The following C6 variants were observed in gnomAD, a reference collection of about 807,000 sequenced individuals.
C6 encodes the protein complement C6.
A neutral mutation model predicts 112.9 loss-of-function variants in C6; 101 were observed. The observed-to-expected ratio is 0.89, with a 90% CI of 0.76 to 1.06. The LOEUF (loss-of-function observed/expected upper bound fraction) is 1.06, where lower values mean the gene tolerates loss of function less well. Among genes scored for constraint, C6 ranks in the 50% least tolerant of loss-of-function variants. The pLI, the probability that C6 is intolerant of heterozygous loss-of-function variation, is 0.00. For synonymous variants in C6, 431 were observed against 384.1 expected, an observed-to-expected ratio of 1.12 and a Z score of -1.43; for missense variants, 1,202 against 1,104.6, an observed-to-expected ratio of 1.09 and a Z score of -1.25.
chr5:41,161,399 A>T (rs1747489078), intron 10 of C6, among the ~76,000 whole-genome samples: 1 of 152,154 alleles, frequency 6.6e-6, no homozygotes, highest in Admixed American at 6.6e-5. Context: ...ACATGAAAAA[A>T]TAAAAAGTAC....
intron 1 of C6, among the ~76,000 whole-genome samples, chr5:41,253,302 G>A (rs1325689988): frequency 6.6e-6 from 1 of 152,138 alleles, no homozygotes; most frequent in Non-Finnish European, 1.5e-5. Context: ...CTGGGCCTCA[G>A]GTGGTTTCCT....
intron 14 of C6, 85 bp from the exon 15 acceptor site, chr5:41,154,083 A>T: frequency 8.7e-7 from 1 of 1,144,802 alleles, no homozygotes; most frequent in Admixed American, 1.8e-5. Flanking sequence ...CAAAGAGGTG[A>T]TTTTGATGAG....
Position 41,240,930 on chromosome 5 carries a change from C to T in C6, c.-21+20264G>A, listed in dbSNP as rs182405944. On this transcript the variant is annotated intron_variant, in intron 1 of 17. Transcript: ENST00000263413. ...GTCTCCAAATTGCGTGCTCGGATGA[C>T]CGGCATTATTGGGCTGTTATTAGAG... 1.5e-4 allele frequency among the ~76,000 whole-genome samples: 23 copies of T among 152,246 alleles called. No individual in the cohort carries two copies. The East Asian group carries it at 4.3e-3, about 28-fold the overall frequency.
At chr5:41,240,149 T>A (rs937455425) in intron 1 of C6, among the ~76,000 whole-genome samples, 1 of 152,178 alleles carries the variant, frequency 6.6e-6, no homozygotes, top group Non-Finnish European at 1.5e-5. Context: ...TTTTAGCTAT[T>A]ATTTTGTTAA....
intron 1 of C6, among the ~76,000 whole-genome samples, chr5:41,232,737 G>T (rs938139438): frequency 6.6e-6 from 1 of 151,916 alleles, no homozygotes; most frequent in Non-Finnish European, 1.5e-5. Flanking sequence ...TCTGTTTTCA[G>T]TCTCAATTAA....
chr5:41,250,061 A>G (rs780318932), intron 1 of C6, among the ~76,000 whole-genome samples: 13 of 152,316 alleles, frequency 8.5e-5, no homozygotes, highest in Admixed American at 5.2e-4. Flanking sequence ...ATTCCTTCCC[A>G]CCTTGTGGTC....
chr5:41,253,405 C>G (rs1419125175), intron 1 of C6, among the ~76,000 whole-genome samples: 1 of 151,928 alleles, frequency 6.6e-6, no homozygotes, highest in Non-Finnish European at 1.5e-5. Flanking sequence ...GTAGCTCTCT[C>G]CTTTTTGTTA....
chr5:41,186,217 A>G lies in C6; in HGVS notation c.588-9T>C. 6.2e-7 allele frequency: 1 copy of G among 1,613,612 alleles called. No individual in the cohort carries two copies. The highest frequency in any genetic ancestry group is 8.5e-7 in the Non-Finnish European group (1 of 1,179,714). Reference sequence around the variant, plus strand: ...CTGCCAGAAAATGAAACCTAGAAACAAAGTAATTTTCAGGAATTCAACAGA... The same window carrying G: ...CTGCCAGAAAATGAAACCTAGAAACGAAGTAATTTTCAGGAATTCAACAGA... On this transcript the variant is annotated splice_polypyrimidine_tract_variant and intron_variant, in intron 5 of 17. Coordinates refer to ENST00000337836, the MANE Select transcript of C6 (RefSeq NM_000065.5).
chr5:41,229,053 T>G (rs1335195391), intron 1 of C6, among the ~76,000 whole-genome samples: 3 of 152,278 alleles, frequency 2.0e-5, no homozygotes, highest in African/African-American at 7.2e-5. Flanking sequence ...AGACGGAGGT[T>G]GCAGTGAGCC....
At chr5:41,218,245 C>T (rs868142851), upstream of C6, among the ~76,000 whole-genome samples, 3 of 152,110 alleles carry the variant, frequency 2.0e-5, no homozygotes, top group Non-Finnish European at 2.9e-5. Flanking sequence ...CGTAACTTCC[C>T]TTGTTTATGC....
In C6 at chr5:41,213,500, A is replaced by G. The variant is rs1009686111; in HGVS notation, c.-145T>C. 2.0e-6 allele frequency: 2 copies of G among 985,166 alleles called. No homozygotes were observed. The highest frequency in any genetic ancestry group is 3.5e-5 in the African/African-American group (2 of 57,252). The allele number at this position is 985,166 out of a possible 1,614,324, so 61.0% of individuals were successfully genotyped here. A position where few individuals can be genotyped will look rare whatever the true frequency, so the allele number is the denominator to read the frequency against. On this transcript the variant is annotated 5_prime_UTR_variant, in exon 1 of 18. Transcript: ENST00000337836. ...AAGCTTCTTTTCTTATTGCTAGCTAACACAAGGCAATGCTGTCATATCCCA... is the reference window on the plus strand; with the variant it reads ...AAGCTTCTTTTCTTATTGCTAGCTAGCACAAGGCAATGCTGTCATATCCCA...
At chr5:41,246,505 G>C (rs1199224420) in intron 1 of C6, among the ~76,000 whole-genome samples, 3 of 152,086 alleles carry the variant, frequency 2.0e-5, no homozygotes, top group Non-Finnish European at 4.4e-5. Context: ...ATCTTCAGGT[G>C]CAAAAAAAAT....
chr5:41,201,750 G>A (rs924891721), intron 2 of C6, 36 bp from the exon 3 acceptor site: 43 of 1,545,000 alleles, frequency 2.8e-5, no homozygotes, highest in Non-Finnish European at 3.7e-5. Context: ...TAGAATGAGT[G>A]TATTCACCAT....
intron 8 of C6, 183 bp from the exon 9 acceptor site, chr5:41,172,530 C>A: frequency 1.5e-6 from 1 of 648,822 alleles, no homozygotes; most frequent in Non-Finnish European, 2.8e-6. Flanking sequence ...CCTGCATGGG[C>A]CCAGAGATGA....
At chr5:41,219,755 G>T (rs933599401) in intron 1 of C6, among the ~76,000 whole-genome samples, 4 of 152,180 alleles carry the variant, frequency 2.6e-5, no homozygotes, top group African/African-American at 9.7e-5. Context: ...GGAGAAAAAG[G>T]CAGTGAGAGA....
chr5:41,236,915 A>T (rs1256635520), intron 1 of C6, among the ~76,000 whole-genome samples: 3 of 149,480 alleles, frequency 2.0e-5, no homozygotes, highest in Admixed American at 6.7e-5. Flanking sequence ...ATCCCACAGA[A>T]ATACAAACTA....
chr5:41,214,786 G>A (rs1291935638), upstream of C6, among the ~76,000 whole-genome samples: 1 of 152,160 alleles, frequency 6.6e-6, no homozygotes, highest in Non-Finnish European at 1.5e-5. Context: ...GCAAATACTG[G>A]AAGTCATAAT....
intron 1 of C6, among the ~76,000 whole-genome samples, chr5:41,246,402 A>G (rs1405259121): frequency 6.6e-6 from 1 of 152,132 alleles, no homozygotes; most frequent in African/African-American, 2.4e-5. Flanking sequence ...ATGTTTTTGA[A>G]ATTGCATCCA....
Position 41,172,889 on chromosome 5 carries a change from A to G in C6, c.1169-542T>C, listed in dbSNP as rs115039483. Among the ~76,000 whole-genome samples the G allele has an allele frequency of 3.7e-3, 569 of 152,038 alleles. 7 individuals are homozygous for G. Among genetic ancestry groups the G allele is most frequent in the African/African-American group, 0.013 (536 of 41,482 alleles). On this transcript the variant is annotated intron_variant, in intron 8 of 17. Transcript: ENST00000337836. ...TCTTGGCCATGCTTCTTCCGTGAAC[A>G]CTCATTCTCATACCTCTCTGGGCTT... is the stretch of plus-strand genomic sequence containing the variant.
Sources: allele counts gnomAD v4.1 joint callset (sites outside exome capture counted in the v4.1 genomes callset), GRCh38; gene constraint gnomAD v4.1.1; transcripts MANE v1.5; gene names NCBI Gene and HGNC (gene_info 2026-07-23, HGNC 2026-07-21).